PARP4: variants seen among roughly 807,000 people sequenced by gnomAD.
The protein encoded by PARP4 is protein mono-ADP-ribosyltransferase PARP4.
Under a neutral mutation model 187.7 loss-of-function variants are expected in PARP4, and 120 were observed. The observed-to-expected ratio is 0.64, with a 90% CI of 0.55 to 0.74. PARP4 has a LOEUF of 0.74. PARP4 is among the 30% of genes least tolerant of loss of function. The pLI is 0.00. For missense variants in PARP4, 1,836 were observed against 2,070.5 expected (o/e 0.89, Z 2.20); for synonymous variants, 654 against 740.9 (o/e 0.88, Z 1.90).
At chr13:24,457,717 G>A (rs1163510355) in intron 20 of PARP4, among the ~76,000 whole-genome samples, 1 of 140,494 alleles carries the variant, frequency 7.1e-6, no homozygotes, top group East Asian at 2.1e-4. Flanking sequence ...TTTGCAGTGG[G>A]CCATGATCCC....
At chr13:24,424,387 T>C (rs1401084152) in intron 33 of PARP4, among the ~76,000 whole-genome samples, 2 of 147,258 alleles carry the variant, frequency 1.4e-5, no homozygotes, top group South Asian at 2.2e-4. Context: ...TTTATTTTTC[T>C]CTTGCCATTT....
chr13:24,508,590 G>A (rs112321984), intron 1 of PARP4, among the ~76,000 whole-genome samples: 1,830 of 152,116 alleles, frequency 0.012, 39 homozygotes, highest in African/African-American at 0.04. Flanking sequence ...CTCGGCTCAC[G>A]GCACCCTCCG....
In PARP4 at chr13:24,435,022, A is replaced by C. The variant is rs1219143085; in HGVS notation, c.4119T>G (p.Cys1373Trp). ...QFSQGPVPGT[C>W]ADWIPQSASC... ...ACGCCGACTGTGGGATCCAGTCAGC[A>C]CAAGTGCCAGGCACAGGGCCTTGGC... The change falls in exon 31 of 34, where the codon TGT becomes TGG. Residue 1373 changes from cysteine (C) to tryptophan (W), a missense_variant. Physicochemically the swap from Cys to Trp is radical, Grantham distance 215 (BLOSUM62 -2). Around this residue, in one of 8 missense-constraint regions of PARP4, gnomAD observed 450 missense variants for 439.2 expected, o/e 1.02. Coordinates refer to ENST00000381989, the MANE Select transcript of PARP4 (RefSeq NM_006437.4). 3 of 1,613,974 alleles carry C rather than the reference A, an allele frequency of 1.9e-6. No homozygotes were observed. The highest frequency in any genetic ancestry group is 2.5e-6 in the Non-Finnish European group (3 of 1,180,032).
intron 12 of PARP4, among the ~76,000 whole-genome samples, chr13:24,482,594 G>C (rs568276158): frequency 6.6e-6 from 1 of 152,250 alleles, no homozygotes; most frequent in East Asian, 1.9e-4. Flanking sequence ...GCTCACTGAA[G>C]GCTTAGATGA....
rs538738240 is a variant in PARP4 at position 24,493,739 on chromosome 13, A to G, written c.742-6T>C. 7 of 1,612,710 alleles carry G rather than the reference A, an allele frequency of 4.3e-6. No individual in the cohort carries two copies. In the African/African-American group the frequency reaches 8.0e-5, roughly 18 times the overall value. On this transcript the variant is annotated splice_polypyrimidine_tract_variant and splice_region_variant and intron_variant, in intron 7 of 33. Transcript: ENST00000381989. ...ATGACTTCCTCCAAAAGCAACTACAATAATAAAATAGAAATGCCACCAAAA... is the reference window on the plus strand; with the variant it reads ...ATGACTTCCTCCAAAAGCAACTACAGTAATAAAATAGAAATGCCACCAAAA...
intron 10 of PARP4, among the ~76,000 whole-genome samples, chr13:24,488,695 A>G (rs977001500): frequency 1.3e-5 from 2 of 152,268 alleles, no homozygotes; most frequent in East Asian, 3.9e-4. Context: ...AAAAGATAAA[A>G]TTAACCATTA....
chr13:24,461,045 C>G (rs1872194612), intron 17 of PARP4, among the ~76,000 whole-genome samples: 1 of 152,054 alleles, frequency 6.6e-6, no homozygotes, highest in African/African-American at 2.4e-5. Context: ...AGGTGGCAAC[C>G]CCATGACTAG....
intron 17 of PARP4, among the ~76,000 whole-genome samples, chr13:24,464,033 A>G (rs1213653839): frequency 1.3e-5 from 2 of 152,186 alleles, no homozygotes; most frequent in Admixed American, 1.3e-4. Flanking sequence ...ATCATGAATG[A>G]ACTCCCATTC....
chr13:24,506,589 G>A (rs1490748324), intron 1 of PARP4, among the ~76,000 whole-genome samples: 1 of 152,174 alleles, frequency 6.6e-6, no homozygotes, highest in Non-Finnish European at 1.5e-5. Context: ...GCTAGACACA[G>A]AGCACTGATT....
chr13:24,471,642 G>A (rs556025919), intron 15 of PARP4, among the ~76,000 whole-genome samples: 1 of 152,202 alleles, frequency 6.6e-6, no homozygotes, highest in Admixed American at 6.5e-5. Context: ...TAAATCTACA[G>A]TCTGGCTGTT....
At chr13:24,496,751 G>A (rs564096024) in intron 6 of PARP4, among the ~76,000 whole-genome samples, 4 of 152,324 alleles carry the variant, frequency 2.6e-5, no homozygotes, top group Admixed American at 6.5e-5. Context: ...TAGGCAGGAC[G>A]CAGTGGCTCA....
chr13:24,421,666 T>C (rs1184577401), intron 33 of PARP4, among the ~76,000 whole-genome samples: 3 of 152,264 alleles, frequency 2.0e-5, no homozygotes, highest in Non-Finnish European at 4.4e-5. Flanking sequence ...CAAACTCAAG[T>C]ACTATTTCAC....
At chr13:24,472,759 A>C (rs1339905076) in intron 15 of PARP4, among the ~76,000 whole-genome samples, 1 of 152,140 alleles carries the variant, frequency 6.6e-6, no homozygotes, top group Non-Finnish European at 1.5e-5. Flanking sequence ...CACCCGCATT[A>C]GATAACCCTC....
intron 20 of PARP4, among the ~76,000 whole-genome samples, chr13:24,458,824 T>G (rs902785962): frequency 1.3e-5 from 2 of 152,178 alleles, no homozygotes; most frequent in African/African-American, 4.8e-5. Flanking sequence ...TAAAAATTAA[T>G]ATTTAAAAAT....
intron 30 of PARP4, among the ~76,000 whole-genome samples, chr13:24,441,001 A>G (rs1013919500): frequency 1.3e-5 from 2 of 152,078 alleles, no homozygotes; most frequent in African/African-American, 4.8e-5. Context: ...CCTCTTGAGT[A>G]GCTGGGACTA....
chr13:24,422,594 A>G (rs1017954688), intron 33 of PARP4, among the ~76,000 whole-genome samples: 1 of 152,168 alleles, frequency 6.6e-6, no homozygotes, highest in African/African-American at 2.4e-5. Flanking sequence ...AATATGCAAT[A>G]AACAGGAAAT....
intron 17 of PARP4, among the ~76,000 whole-genome samples, chr13:24,466,688 G>A (rs187599405): frequency 5.5e-4 from 83 of 151,654 alleles, no homozygotes; most frequent in Non-Finnish European, 9.0e-4. Flanking sequence ...CTAGCTACTT[G>A]GGAGGCTGGG....
intron 1 of PARP4, among the ~76,000 whole-genome samples, chr13:24,509,337 T>C (rs886621123): frequency 6.6e-6 from 1 of 151,986 alleles, no homozygotes; most frequent in African/African-American, 2.4e-5. Flanking sequence ...CGAAACTTCA[T>C]CTCTACAAAA....
At chr13:24,482,424 A>G (rs777573789) in intron 12 of PARP4, among the ~76,000 whole-genome samples, 19 of 152,236 alleles carry the variant, frequency 1.2e-4, no homozygotes, top group Non-Finnish European at 2.6e-4. Context: ...TACTACAGAT[A>G]AATCTTTCAT....
Sources: gnomAD v4.1 joint callset for allele counts (sites outside exome capture counted in the v4.1 genomes callset) on GRCh38, gnomAD v4.1.1 for gene constraint, gnomAD v4.1.1 regional missense constraint, MANE v1.5 for transcripts, NCBI Gene and HGNC (gene_info 2026-07-23, HGNC 2026-07-21) for gene names.